The following DARS1 variants were observed in gnomAD, a reference collection of about 807,000 sequenced individuals.
The protein encoded by DARS1 is aspartate--tRNA ligase, cytoplasmic.
In DARS1, 51 loss-of-function variants were observed where a neutral mutation model predicts 68.8. The observed-to-expected ratio is 0.74, with a 90% CI of 0.59 to 0.94. The LOEUF is 0.94. Among genes scored for constraint, DARS1 ranks in the 40% least tolerant of loss-of-function variants. DARS1 has a pLI of 0.00. For synonymous variants in DARS1, 203 were observed against 190.4 expected (o/e 1.07, Z -0.55); for missense variants, 607 against 597.3 (o/e 1.02, Z -0.17).
At chr2:135,947,394 C>T (rs1303713079) in intron 4 of DARS1, among the ~76,000 whole-genome samples, 6 of 137,488 alleles carry the variant, frequency 4.4e-5, no homozygotes, top group Middle Eastern at 4.0e-3. Flanking sequence ...GGTGACAGAA[C>T]GAGACTCCAT....
At chr2:135,961,865 A>T (rs1682109494) in intron 3 of DARS1, among the ~76,000 whole-genome samples, 6 of 152,242 alleles carry the variant, frequency 3.9e-5, no homozygotes, top group Admixed American at 3.9e-4. Flanking sequence ...AATAGTTAGT[A>T]TATTCCACAT....
intron 3 of DARS1, among the ~76,000 whole-genome samples, chr2:135,975,004 ATG>A (rs1682463725): frequency 6.6e-6 from 1 of 152,120 alleles, no homozygotes; most frequent in African/African-American, 2.4e-5. Context: ...AATAAAATAT[ATG>A]TAAAAAAATA....
intron 4 of DARS1, among the ~76,000 whole-genome samples, chr2:135,959,882 C>T (rs954576330): frequency 6.6e-6 from 1 of 152,038 alleles, no homozygotes; most frequent in Non-Finnish European, 1.5e-5. Context: ...TTTTCAAAAC[C>T]AAATTATTAT....
intron 4 of DARS1, among the ~76,000 whole-genome samples, chr2:135,951,661 T>G (rs1476834314): frequency 6.6e-6 from 1 of 152,138 alleles, no homozygotes. Flanking sequence ...ACAACAACAC[T>G]TGGGTGCACT....
chr2:135,914,393 C>A lies in DARS1; in HGVS notation c.1149+76G>T, dbSNP rs2305101. 1.0e-3 allele frequency: 847 copies of A among 840,582 alleles called. 9 individuals are homozygous for A. In the East Asian group the frequency reaches 0.018, roughly 18 times the overall value. 52.1% of individuals were successfully genotyped at this position (840,582 alleles called of 1,614,324 possible). On this transcript the variant is annotated intron_variant, in intron 12 of 15. Coordinates refer to ENST00000264161, the MANE Select transcript of DARS1 (RefSeq NM_001349.4). ...ATCATACCATTCTAGGAAGCTCAGA[C>A]CCCTCTGCAATTGTTTTTAGTCCCA...
intron 4 of DARS1, among the ~76,000 whole-genome samples, chr2:135,958,694 G>T (rs1349081913): frequency 6.6e-6 from 1 of 152,070 alleles, no homozygotes; most frequent in Non-Finnish European, 1.5e-5. Context: ...ACGAGTCTTA[G>T]CCATAAGAAT....
chr2:135,953,473 G>C (rs1681893961), intron 4 of DARS1, among the ~76,000 whole-genome samples: 1 of 152,124 alleles, frequency 6.6e-6, no homozygotes, highest in South Asian at 2.1e-4. Flanking sequence ...CTTCTCAAGA[G>C]AGTGATACAA....
At chr2:135,935,095 T>C (rs1263016613) in intron 5 of DARS1, among the ~76,000 whole-genome samples, 6 of 152,096 alleles carry the variant, frequency 3.9e-5, no homozygotes, top group Non-Finnish European at 2.9e-5. Flanking sequence ...GGCCATCTTG[T>C]TATTTTTAAC....
chr2:135,933,637 TAATA>T (rs2104810741), intron 6 of DARS1, among the ~76,000 whole-genome samples: 1 of 152,202 alleles, frequency 6.6e-6, no homozygotes, highest in Non-Finnish European at 1.5e-5. Context: ...TTTAATAAAG[TAATA>T]AATATTTAAA....
In DARS1 at chr2:135,921,042, C is replaced by T. The variant is rs1047923044; in HGVS notation, c.812-442G>A. 3.3e-5 allele frequency among the ~76,000 whole-genome samples: 5 copies of T among 150,726 alleles called. No individual in the cohort carries two copies. In the East Asian group the frequency reaches 1.0e-3, roughly 30 times the overall value. ...AATATTTGTGATGTGAAAGATGAGT[C>T]GAGCTAGAGTCAGGAAGACTGGACA... On this transcript the variant is annotated intron_variant, in intron 9 of 15. Transcript: ENST00000264161.
At chr2:135,909,699 A>C (rs1430377211) in intron 15 of DARS1, among the ~76,000 whole-genome samples, 1 of 152,156 alleles carries the variant, frequency 6.6e-6, no homozygotes, top group African/African-American at 2.4e-5. Flanking sequence ...TGATGTGCTA[A>C]TTTGTTTAGC....
Position 135,911,473 on chromosome 2 carries a change from A to G in DARS1, c.1251T>C (p.Asp417=), listed in dbSNP as rs1680894722. 2 of 1,006,706 alleles carry G rather than the reference A, an allele frequency of 2.0e-6. 1 individual carries two copies. The highest frequency in any genetic ancestry group is 2.5e-5 in the South Asian group (2 of 78,940). 62.4% of individuals were successfully genotyped at this position (1,006,706 alleles called of 1,614,324 possible). The change falls in exon 14 of 16, where the codon GAT becomes GAC. Residue 417 remains aspartate (D), a synonymous_variant. Transcript: ENST00000264161. ...PRNPKQSNSY[D]MFMRGEEILS... is the part of the protein sequence containing the mutation. ...ATATTTCTTCTCCTCTCATGAACAT[A>G]TCGTAAGAGTTGGACTGTTTCTGCA...
Position 135,916,288 on chromosome 2 carries a change from A to G in DARS1, c.1044T>C (p.Tyr348=), listed in dbSNP as rs1192542888. The part of the protein sequence containing the change: ...KFLEPTLRLE[Y]CEALAMLREA... ...CCCTAAGCATAGCCAATGCTTCACA[A>G]TATTCTAGTCTTAGAGTTGGCTCCA... Residue 348 remains tyrosine, a synonymous_variant, in exon 11 of 16, where the codon TAT becomes TAC. Transcript: ENST00000264161. 1 of 1,561,510 alleles carries G rather than the reference A, an allele frequency of 6.4e-7. No individual in the cohort carries two copies.
intron 4 of DARS1, among the ~76,000 whole-genome samples, chr2:135,957,502 G>C (rs951905244): frequency 6.6e-6 from 1 of 152,118 alleles, no homozygotes; most frequent in African/African-American, 2.4e-5. Flanking sequence ...ACAGGTATGA[G>C]CCACCACGCT....
At chr2:135,934,230 C>T (rs150982150) in intron 5 of DARS1, among the ~76,000 whole-genome samples, 132 of 152,178 alleles carry the variant, frequency 8.7e-4, no homozygotes, top group African/African-American at 3.1e-3. Flanking sequence ...AATAAGGTAA[C>T]ATATATAAAA....
intron 10 of DARS1, among the ~76,000 whole-genome samples, chr2:135,919,357 T>A (rs1353223528): frequency 6.6e-6 from 1 of 152,186 alleles, no homozygotes; most frequent in Admixed American, 6.5e-5. Flanking sequence ...AACATACTCA[T>A]TAGCCCTGCA....
intron 13 of DARS1, among the ~76,000 whole-genome samples, chr2:135,912,077 G>C (rs545532848): frequency 6.6e-6 from 1 of 152,086 alleles, no homozygotes; most frequent in East Asian, 1.9e-4. Flanking sequence ...GTAAAGTTTA[G>C]AAACCACTGC....
At chr2:135,949,774 A>C (rs1000207613) in intron 4 of DARS1, among the ~76,000 whole-genome samples, 1 of 152,224 alleles carries the variant, frequency 6.6e-6, no homozygotes, top group Non-Finnish European at 1.5e-5. Flanking sequence ...TCAACTTTTT[A>C]GATTACTCTA....
At chr2:135,909,361 T>C (rs1342962656) in intron 15 of DARS1, among the ~76,000 whole-genome samples, 3 of 152,206 alleles carry the variant, frequency 2.0e-5, no homozygotes, top group Non-Finnish European at 4.4e-5. Context: ...CCCAGCTTTA[T>C]TGAGTTATAA....
Sources: allele counts gnomAD v4.1 joint callset (sites outside exome capture counted in the v4.1 genomes callset), GRCh38; gene constraint gnomAD v4.1.1; transcripts MANE v1.5; gene names NCBI Gene and HGNC (gene_info 2026-07-23, HGNC 2026-07-21).